DLG2: variants seen among roughly 807,000 people sequenced by gnomAD.
The protein encoded by DLG2 is disks large homolog 2.
A neutral mutation model predicts 132.5 loss-of-function variants in DLG2; 45 were observed. The ratio of observed to expected loss-of-function variants is 0.34; its 90% CI spans 0.27 to 0.44. The LOEUF is 0.44. DLG2 is among the 20% of genes least tolerant of loss of function. The pLI is 1.00. For missense variants in DLG2, 1,045 were observed against 1,196.9 expected (o/e 0.87, Z 1.87); for synonymous variants, 424 against 419.6 (o/e 1.01, Z -0.13).
At chr11:85,381,394 T>C (rs954702755) in intron 3 of DLG2, among the ~76,000 whole-genome samples, 1 of 152,180 alleles carries the variant, frequency 6.6e-6, no homozygotes, top group Non-Finnish European at 1.5e-5. Context: ...GCTAACATCA[T>C]ACTTAATGGT....
rs1451046190 is a variant in DLG2, at chr11:83,928,806, A to C, written c.1496+1522T>G. ...GGATTAAGAGAAATAATTCATAAGAAGTATTTAACAAAATGCCTGGCACAG... is the reference window on the plus strand; with the variant it reads ...GGATTAAGAGAAATAATTCATAAGACGTATTTAACAAAATGCCTGGCACAG... On this transcript the variant is annotated intron_variant, in intron 15 of 27. Transcript: ENST00000376104. Among the ~76,000 whole-genome samples the C allele has an allele frequency of 5.3e-5, 8 of 152,316 alleles. No homozygotes were observed. The South Asian group carries it at 1.2e-3, about 24-fold the overall frequency.
chr11:84,146,183 A>G (rs1041662537), intron 9 of DLG2, among the ~76,000 whole-genome samples: 26 of 152,208 alleles, frequency 1.7e-4, no homozygotes, highest in Non-Finnish European at 1.5e-5. Flanking sequence ...AGGAGACTAT[A>G]TGTATAAGCT....
intron 6 of DLG2, among the ~76,000 whole-genome samples, chr11:84,570,660 T>C (rs949751607): frequency 3.2e-4 from 49 of 152,194 alleles, no homozygotes; most frequent in African/African-American, 1.1e-3. Context: ...TGTCAACTTC[T>C]AGAGCCTAGA....
chr11:84,055,821 CCTT>C (rs779643903), intron 11 of DLG2, among the ~76,000 whole-genome samples: 16 of 152,078 alleles, frequency 1.1e-4, no homozygotes, highest in Non-Finnish European at 2.1e-4. Context: ...GCTATCATCT[CCTT>C]GAGAGCAAGA....
At chr11:84,187,764 T>C (rs2096308575) in intron 8 of DLG2, among the ~76,000 whole-genome samples, 1 of 152,098 alleles carries the variant, frequency 6.6e-6, no homozygotes, top group Non-Finnish European at 1.5e-5. Context: ...TGAGAGTTAG[T>C]GGTAAAGACC....
chr11:84,636,994 G>A (rs2099641685), intron 6 of DLG2, among the ~76,000 whole-genome samples: 1 of 151,774 alleles, frequency 6.6e-6, no homozygotes, highest in Non-Finnish European at 1.5e-5. Context: ...CGCCATGTTG[G>A]CCAGGCTGGT....
intron 7 of DLG2, among the ~76,000 whole-genome samples, chr11:84,526,196 T>G (rs1447078984): frequency 6.6e-6 from 1 of 152,198 alleles, no homozygotes; most frequent in Non-Finnish European, 1.5e-5. Flanking sequence ...TATTTCATAT[T>G]ATTATAGTAA....
At chr11:84,175,087 T>A (rs1566816381) in intron 8 of DLG2, among the ~76,000 whole-genome samples, 1 of 152,296 alleles carries the variant, frequency 6.6e-6, no homozygotes, top group South Asian at 2.1e-4. Flanking sequence ...ATAAATTTGT[T>A]GAACAAAATT....
intron 7 of DLG2, among the ~76,000 whole-genome samples, chr11:84,402,453 T>C (rs2098832860): frequency 6.6e-6 from 1 of 152,074 alleles, no homozygotes. Context: ...ATAACAGAGA[T>C]AAATTCAAAT....
At chr11:83,899,115 G>A (rs2072663644) in intron 15 of DLG2, among the ~76,000 whole-genome samples, 1 of 152,070 alleles carries the variant, frequency 6.6e-6, no homozygotes, top group Non-Finnish European at 1.5e-5. Flanking sequence ...AAATGTCAAA[G>A]GTAATCATCT....
At chr11:84,665,211 T>C (rs959555337) in intron 6 of DLG2, among the ~76,000 whole-genome samples, 1 of 152,146 alleles carries the variant, frequency 6.6e-6, no homozygotes, top group African/African-American at 2.4e-5. Flanking sequence ...ACCAACACAT[T>C]GATAATGATG....
chr11:84,470,756 T>TA (rs758866910), intron 7 of DLG2, among the ~76,000 whole-genome samples: 17 of 151,634 alleles, frequency 1.1e-4, no homozygotes, highest in South Asian at 4.1e-4. Context: ...AAAGAAGTGA[T>TA]AAAAAAAGGT....
At chr11:84,284,657 A>T (rs1480713447) in intron 7 of DLG2, among the ~76,000 whole-genome samples, 2 of 152,214 alleles carry the variant, frequency 1.3e-5, no homozygotes, top group Admixed American at 6.5e-5. Flanking sequence ...ACTAACCTAG[A>T]TAGAACCGTG....
At chr11:84,011,899 T>C (rs1182568265) in intron 11 of DLG2, among the ~76,000 whole-genome samples, 1 of 152,086 alleles carries the variant, frequency 6.6e-6, no homozygotes, top group East Asian at 1.9e-4. Flanking sequence ...TTTTTAAAAT[T>C]AAAAAATTAC....
At chr11:83,568,738 A>C (rs959084713) in intron 19 of DLG2, among the ~76,000 whole-genome samples, 58 of 152,142 alleles carry the variant, frequency 3.8e-4, no homozygotes, top group Admixed American at 2.4e-3. Context: ...GGAGTCCAAG[A>C]AGCTTGAAAA....
At chr11:84,963,555 A>C (rs1291170643) in intron 6 of DLG2, among the ~76,000 whole-genome samples, 5 of 152,218 alleles carry the variant, frequency 3.3e-5, no homozygotes, top group African/African-American at 9.6e-5. Flanking sequence ...GATTAAAAAC[A>C]CATTTATAGT....
intron 9 of DLG2, among the ~76,000 whole-genome samples, chr11:84,142,229 G>T (rs1205596754): frequency 6.6e-6 from 1 of 151,244 alleles, no homozygotes; most frequent in African/African-American, 2.4e-5. Flanking sequence ...TTGAACACAG[G>T]AGAATCATTT....
intron 6 of DLG2, among the ~76,000 whole-genome samples, chr11:85,020,087 G>A (rs1440625273): frequency 2.0e-5 from 3 of 152,198 alleles, no homozygotes; most frequent in Admixed American, 2.0e-4. Flanking sequence ...CCCACCAACA[G>A]TGTAAAAGTG....
intron 18 of DLG2, among the ~76,000 whole-genome samples, chr11:83,674,087 T>A (rs1442599852): frequency 2.0e-5 from 3 of 152,198 alleles, no homozygotes; most frequent in Non-Finnish European, 2.9e-5. Context: ...AAAAATAAGA[T>A]GAGTATTACA....
Sources: gnomAD v4.1 joint callset for allele counts (sites outside exome capture counted in the v4.1 genomes callset) on GRCh38, gnomAD v4.1.1 for gene constraint, MANE v1.5 for transcripts, NCBI Gene and HGNC (gene_info 2026-07-23, HGNC 2026-07-21) for gene names.